Variants in PIK3CB observed in about 807,000 individuals in gnomAD.
PIK3CB encodes phosphatidylinositol-4,5-bisphosphate 3-kinase catalytic subunit beta, also known as phosphatidylinositol 4,5-bisphosphate 3-kinase catalytic subunit beta isoform.
Under a neutral mutation model 136.8 loss-of-function variants are expected in PIK3CB, and 39 were observed. The ratio of observed to expected loss-of-function variants is 0.29; its 90% CI spans 0.22 to 0.37. PIK3CB has a LOEUF of 0.37. Ranked by LOEUF, PIK3CB falls within the 10% of genes least tolerant of loss-of-function variation. PIK3CB has a pLI of 1.00. For missense variants in PIK3CB, 868 were observed against 1,275.4 expected (o/e 0.68, Z 4.87); for synonymous variants, 428 against 436.6 (o/e 0.98, Z 0.25).
intron 20 of PIK3CB, among the ~76,000 whole-genome samples, chr3:138,664,254 T>C (rs2043360406): frequency 6.6e-6 from 1 of 151,932 alleles, no homozygotes; most frequent in East Asian, 1.9e-4. Flanking sequence ...GGGCCTTAGA[T>C]ATTCAAACGT....
intron 8 of PIK3CB, among the ~76,000 whole-genome samples, chr3:138,717,625 A>C (rs1035942490): frequency 2.6e-5 from 4 of 152,112 alleles, no homozygotes; most frequent in Non-Finnish European, 5.9e-5. Context: ...TGTATAGATT[A>C]TTTCATCATC....
intron 1 of PIK3CB, among the ~76,000 whole-genome samples, chr3:138,831,118 TA>T (rs35265427): frequency 7.1e-5 from 10 of 140,402 alleles, no homozygotes; most frequent in East Asian, 6.6e-4. Flanking sequence ...CCGTCTCTAC[TA>T]AAAAAAAAAT....
intron 18 of PIK3CB, among the ~76,000 whole-genome samples, chr3:138,683,256 A>G (rs2043816448): frequency 6.7e-6 from 1 of 149,734 alleles, no homozygotes; most frequent in African/African-American, 2.5e-5. Flanking sequence ...CTGGGGGCTG[A>G]GGTAGGATGA....
chr3:138,742,753 A>C lies in PIK3CB; in HGVS notation c.426T>G (p.Asp142Glu). ...KGLHEFDSLK[D>E]PEVNEFRRKM... ...TTCTTCGAAATTCATTTACTTCAGGATCCTTCAAGGAATCAAATTCATGCA... is the reference window on the plus strand; with the variant it reads ...TTCTTCGAAATTCATTTACTTCAGGCTCCTTCAAGGAATCAAATTCATGCA... Residue 142 changes from aspartate (D) to glutamate (E), a missense_variant, in exon 5 of 24, where the codon GAT (aspartate) becomes GAG (glutamate). Around this residue, in one of 4 missense-constraint regions of PIK3CB, gnomAD observed 612 missense variants for 801.1 expected, o/e 0.76. Coordinates refer to ENST00000674063, the MANE Select transcript of PIK3CB (RefSeq NM_006219.3). 1 of 1,611,842 alleles carries C rather than the reference A, an allele frequency of 6.2e-7. No individual in the cohort carries two copies. The highest frequency in any genetic ancestry group is 8.5e-7 in the Non-Finnish European group (1 of 1,178,544).
intron 22 of PIK3CB, chr3:138,657,358 TGTACTCC>T: frequency 5.1e-6 from 1 of 194,244 alleles, no homozygotes; most frequent in Non-Finnish European, 1.0e-5. Context: ...GTTCCCTTAC[TGTACTCC>T]ATACACAATG....
At chr3:138,757,311 G>C (rs915069366) in intron 3 of PIK3CB, among the ~76,000 whole-genome samples, 3 of 152,006 alleles carry the variant, frequency 2.0e-5, no homozygotes, top group African/African-American at 7.2e-5. Flanking sequence ...TGCTGAAGCA[G>C]GAGAATCACT....
chr3:138,791,268 G>A (rs967039177), intron 2 of PIK3CB, among the ~76,000 whole-genome samples: 9 of 151,630 alleles, frequency 5.9e-5, no homozygotes, highest in African/African-American at 1.7e-4. Context: ...TCAGTCTCTC[G>A]AGTAGCTGGG....
intron 15 of PIK3CB, among the ~76,000 whole-genome samples, chr3:138,690,510 T>A (rs2043985203): frequency 6.6e-6 from 1 of 151,962 alleles, no homozygotes; most frequent in Non-Finnish European, 1.5e-5. Context: ...AATTACCTAC[T>A]TAATAAAGAA....
intron 8 of PIK3CB, among the ~76,000 whole-genome samples, chr3:138,727,063 C>T (rs939937857): frequency 1.3e-5 from 2 of 151,720 alleles, no homozygotes; most frequent in Non-Finnish European, 2.9e-5. Context: ...AAACAAAAAA[C>T]AAACAAAAAG....
intron 21 of PIK3CB, among the ~76,000 whole-genome samples, chr3:138,662,650 T>C (rs2043321574): frequency 6.6e-6 from 1 of 150,846 alleles, no homozygotes; most frequent in Non-Finnish European, 1.5e-5. Context: ...CTGGGTCAAA[T>C]GGTATTTCTA....
Position 138,801,142 on chromosome 3 carries a change from A to G in PIK3CB, c.-121-4575T>C, listed in dbSNP as rs562607302. 2.0e-5 allele frequency among the ~76,000 whole-genome samples: 3 copies of G among 152,316 alleles called. No individual in the cohort carries two copies. The East Asian group carries it at 5.8e-4, about 29-fold the overall frequency. ...CAGGTAATTAGGGGTAAGACTTCTA[A>G]CAAAATTCTCTAGGCACAGTAAAAA... On this transcript the variant is annotated intron_variant, in intron 1 of 23. Transcript: ENST00000674063.
intron 17 of PIK3CB, among the ~76,000 whole-genome samples, 198 bp from the exon 18 acceptor site, chr3:138,683,985 A>T (rs892847652): frequency 6.6e-6 from 1 of 152,238 alleles, no homozygotes; most frequent in Non-Finnish European, 1.5e-5. Context: ...AATGCCAGAT[A>T]GGCTGGACTC....
chr3:138,771,645 T>C (rs986409532), intron 2 of PIK3CB, among the ~76,000 whole-genome samples: 1 of 152,346 alleles, frequency 6.6e-6, no homozygotes, highest in East Asian at 1.9e-4. Flanking sequence ...ATATCATTTA[T>C]AATAAAATGA....
chr3:138,789,399 CAGTGAGCCATGACTACACCACTGTACT>C (rs1576414849), intron 2 of PIK3CB, among the ~76,000 whole-genome samples: 2 of 152,234 alleles, frequency 1.3e-5, no homozygotes, highest in East Asian at 3.9e-4. Context: ...GTGGAGGTTG[CAGTGAGCCATGACTACACCACTGTACT>C]CTAGCCTGGT....
chr3:138,702,964 C>T (rs566347626), intron 12 of PIK3CB, among the ~76,000 whole-genome samples: 1 of 152,096 alleles, frequency 6.6e-6, no homozygotes, highest in Admixed American at 6.5e-5. Context: ...TTTTTTCAGG[C>T]CATATATATA....
chr3:138,781,303 AAAC>A (rs1175777771), intron 2 of PIK3CB, among the ~76,000 whole-genome samples: 2 of 151,744 alleles, frequency 1.3e-5, no homozygotes, highest in Admixed American at 6.6e-5. Context: ...AAAAAAAAAA[AAAC>A]AACAAAAAAC....
intron 10 of PIK3CB, among the ~76,000 whole-genome samples, chr3:138,710,999 G>A (rs572193992): frequency 9.2e-5 from 14 of 151,804 alleles, no homozygotes; most frequent in South Asian, 6.3e-4. Context: ...CAGGAGAATG[G>A]CATGAACCCA....
chr3:138,656,460 A>G (rs544258016), intron 22 of PIK3CB, among the ~76,000 whole-genome samples, 186 bp from the exon 23 acceptor site: 3 of 152,204 alleles, frequency 2.0e-5, no homozygotes, highest in South Asian at 2.1e-4. Context: ...ACATAAAACA[A>G]TCAATCTCTC....
intron 22 of PIK3CB, 23 bp from the exon 23 acceptor site, chr3:138,656,297 C>T (rs1165414082): frequency 6.2e-7 from 1 of 1,613,856 alleles, no homozygotes; most frequent in Non-Finnish European, 8.5e-7. Flanking sequence ...CAGCAAACCA[C>T]ATGAGCACAG....
Sources: gnomAD v4.1 joint callset for allele counts (sites outside exome capture counted in the v4.1 genomes callset) on GRCh38, gnomAD v4.1.1 for gene constraint, gnomAD v4.1.1 regional missense constraint, MANE v1.5 for transcripts, NCBI Gene and HGNC (gene_info 2026-07-23, HGNC 2026-07-21) for gene names.